Variants in TANC1 observed in about 807,000 individuals in gnomAD.
The protein encoded by TANC1 is protein TANC1.
TANC1 carries 77 observed loss-of-function variants against 149.7 expected under a neutral mutation model. The ratio of observed to expected loss-of-function variants is 0.51; its 90% CI spans 0.43 to 0.62. The LOEUF is 0.62. TANC1 is among the 20% of genes least tolerant of loss of function. The pLI is 0.00. For synonymous variants in TANC1, 854 were observed against 925.0 expected (o/e 0.92, Z 1.39); for missense variants, 1,985 against 2,321.8 (o/e 0.85, Z 2.98).
intron 2 of TANC1, among the ~76,000 whole-genome samples, chr2:159,012,147 C>T (rs1334141761): frequency 6.6e-6 from 1 of 152,198 alleles, no homozygotes; most frequent in Non-Finnish European, 1.5e-5. Context: ...CTCTGTGTTT[C>T]CTAAAGCCAG....
At chr2:159,223,645 T>A (rs959989250) in intron 22 of TANC1, among the ~76,000 whole-genome samples, 5 of 152,208 alleles carry the variant, frequency 3.3e-5, no homozygotes, top group Non-Finnish European at 7.3e-5. Context: ...TTGTTTCCAG[T>A]TTGGTTCAAC....
At chr2:159,179,248 A>G (rs768073549) in intron 14 of TANC1, 85 bp downstream of exon 14, 81 of 1,484,510 alleles carry the variant, frequency 5.5e-5, no homozygotes, top group Non-Finnish European at 7.1e-5. Context: ...CACGTGTCTC[A>G]ATGGAAGGGC....
chr2:159,135,624 T>C (rs1490920588), intron 4 of TANC1, among the ~76,000 whole-genome samples: 3 of 152,266 alleles, frequency 2.0e-5, no homozygotes, highest in Non-Finnish European at 1.5e-5. Flanking sequence ...ACCCGCTTGC[T>C]GGCTGCTGTG....
chr2:159,159,628 A>T (rs954322267), intron 7 of TANC1, among the ~76,000 whole-genome samples: 8 of 152,026 alleles, frequency 5.3e-5, no homozygotes, highest in East Asian at 3.9e-4. Context: ...TGTTTTAAAA[A>T]TACGCTGTAT....
chr2:159,129,903 C>T (rs577974132), intron 4 of TANC1, among the ~76,000 whole-genome samples: 7 of 152,328 alleles, frequency 4.6e-5, no homozygotes, highest in East Asian at 1.9e-4. Flanking sequence ...TGGTAAACAG[C>T]GGTCTTCCCT....
In TANC1 at chr2:159,150,575, G is replaced by T. The variant is rs758557986; in HGVS notation, c.682+19G>T. 1 of 1,589,804 alleles carries T rather than the reference G, an allele frequency of 6.3e-7. No homozygotes were observed. The highest frequency in any genetic ancestry group is 8.6e-7 in the Non-Finnish European group (1 of 1,158,198). ...ATTATAGGTAAGAAGCACACTGCTC[G>T]GTAACATAATGGCTCGAATCTCATC... On this transcript the variant is annotated intron_variant, in intron 7 of 26. Transcript: ENST00000263635.
In TANC1 at chr2:159,186,979, C is replaced by G. The variant is rs770902773; in HGVS notation, c.2697C>G (p.Ser899=). ...TCGGCTACAGCACCGAGGGGCTGTC[C>G]GCCGCCCTGGCCTCTCTCAGGAATC... The part of the protein sequence containing the change: ...LWIGYSTEGL[S]AALASLRNLY... Residue 899 remains serine (S), a synonymous_variant, in exon 16 of 27, where the codon TCC becomes TCG. Coordinates refer to ENST00000263635, the MANE Select transcript of TANC1 (RefSeq NM_033394.3). 1 of 1,614,132 alleles carries G rather than the reference C, an allele frequency of 6.2e-7. No individual in the cohort carries two copies. Among genetic ancestry groups the G allele is most frequent in the African/African-American group, 1.3e-5 (1 of 75,054 alleles).
chr2:159,007,138 G>GTTTTTTT (rs70994252), intron 2 of TANC1, among the ~76,000 whole-genome samples: 23 of 69,514 alleles, frequency 3.3e-4, no homozygotes, highest in Non-Finnish European at 3.9e-4. Flanking sequence ...CTTTAATACT[G>GTTTTTTT]TTTTTTTTTT....
chr2:159,038,942 T>C (rs765564601), intron 2 of TANC1, among the ~76,000 whole-genome samples: 3 of 152,226 alleles, frequency 2.0e-5, no homozygotes, highest in Admixed American at 1.3e-4. Flanking sequence ...CTCCTCTTTG[T>C]ACCTCTGGTA....
At chr2:159,008,034 A>G (rs1017173837) in intron 2 of TANC1, among the ~76,000 whole-genome samples, 3 of 152,248 alleles carry the variant, frequency 2.0e-5, no homozygotes, top group Admixed American at 2.0e-4. Context: ...TCACTTGAAG[A>G]GAGATTATCA....
intron 11 of TANC1, among the ~76,000 whole-genome samples, chr2:159,173,796 G>T (rs1485974878): frequency 6.6e-6 from 1 of 152,174 alleles, no homozygotes; most frequent in East Asian, 1.9e-4. Context: ...GCTTTCCTCT[G>T]TTGATGATAA....
At chr2:159,174,904 A>C (rs756019062) in intron 11 of TANC1, 49 bp from the exon 12 acceptor site, 7 of 1,403,206 alleles carry the variant, frequency 5.0e-6, no homozygotes, top group Non-Finnish European at 7.1e-6. Context: ...TTGCAGAAGG[A>C]GCTGTGTGAA....
intron 11 of TANC1, among the ~76,000 whole-genome samples, chr2:159,173,086 T>C (rs1184043100): frequency 6.6e-6 from 1 of 152,070 alleles, no homozygotes; most frequent in African/African-American, 2.4e-5. Context: ...CATGAGTGGG[T>C]GATTTGAGAT....
intron 4 of TANC1, among the ~76,000 whole-genome samples, chr2:159,100,965 A>G (rs13021664): frequency 0.24 from 36,175 of 152,072 alleles, 5,678 homozygotes; most frequent in Non-Finnish European, 0.36. Flanking sequence ...GCTGCTAATG[A>G]TAGAGTCAAT....
chr2:159,001,535 T>C lies in TANC1; in HGVS notation c.-16+346T>C, dbSNP rs2036616259. Among the ~76,000 whole-genome samples the C allele has an allele frequency of 6.6e-6, 1 of 152,198 alleles. No individual in the cohort carries two copies. The highest frequency in any genetic ancestry group is 2.4e-5 in the African/African-American group (1 of 41,458). On this transcript the variant is annotated intron_variant, in intron 2 of 26. Transcript: ENST00000263635. This position sits in a 1 kb window ranked among gnomAD's most constrained non-coding sequence, Gnocchi z 4.3. ...AAATTTTATGTCTATTTTATCACAATGAAAAATAAAAACGTGGTGGAGGGA... is the reference window on the plus strand; with the variant it reads ...AAATTTTATGTCTATTTTATCACAACGAAAAATAAAAACGTGGTGGAGGGA...
intron 2 of TANC1, among the ~76,000 whole-genome samples, chr2:159,063,948 A>G (rs934441180): frequency 2.6e-5 from 4 of 152,202 alleles, no homozygotes; most frequent in African/African-American, 4.8e-5. Flanking sequence ...AGCTTGGTCA[A>G]TGATCCAGGT....
At chr2:159,195,152 A>G (rs1056903510) in intron 17 of TANC1, among the ~76,000 whole-genome samples, 20 of 151,968 alleles carry the variant, frequency 1.3e-4, no homozygotes, top group Non-Finnish European at 1.2e-4. Flanking sequence ...TGACAGTCTC[A>G]CTCTGTCACT....
At chr2:159,208,194 A>AT (rs2058752893) in intron 19 of TANC1, among the ~76,000 whole-genome samples, 1 of 152,186 alleles carries the variant, frequency 6.6e-6, no homozygotes, top group South Asian at 2.1e-4. Context: ...ATACAATGCT[A>AT]TGTATTGTCA....
intron 1 of TANC1, among the ~76,000 whole-genome samples, chr2:158,970,495 C>T (rs2032703171): frequency 6.6e-6 from 1 of 152,156 alleles, no homozygotes; most frequent in Non-Finnish European, 1.5e-5. Context: ...GTGTTTTACT[C>T]ATCTAAGCTA....
Sources: gnomAD v4.1 joint callset for allele counts (sites outside exome capture counted in the v4.1 genomes callset) on GRCh38, gnomAD v4.1.1 for gene constraint, Gnocchi (gnomAD v3.1) non-coding constraint, MANE v1.5 for transcripts, NCBI Gene and HGNC (gene_info 2026-07-23, HGNC 2026-07-21) for gene names.